The following PBRM1 variants were observed in gnomAD, a reference collection of about 807,000 sequenced individuals.
PBRM1 encodes the protein protein polybromo-1.
A neutral mutation model predicts 194.5 loss-of-function variants in PBRM1; 27 were observed. The observed-to-expected ratio is 0.14, with a 90% CI of 0.10 to 0.19. The LOEUF (loss-of-function observed/expected upper bound fraction) is 0.19. Ranked by LOEUF, PBRM1 falls within the 10% of genes least tolerant of loss-of-function variation. PBRM1 has a pLI of 1.00. For synonymous variants in PBRM1, 655 were observed against 693.2 expected, an observed-to-expected ratio of 0.94 and a Z score of 0.87; for missense variants, 1,466 against 2,077.2, an observed-to-expected ratio of 0.71 and a Z score of 5.72.
chr3:52,636,757 CAAA>C (rs567776784), intron 10 of PBRM1, among the ~76,000 whole-genome samples: 50 of 18,662 alleles, frequency 2.7e-3, no homozygotes, highest in East Asian at 5.2e-3. Context: ...ACTCTGTCTC[CAAA>C]AAAAAAAAAA....
chr3:52,639,258 GAGCCACCA>G (rs1209855441), intron 10 of PBRM1, among the ~76,000 whole-genome samples: 3 of 152,132 alleles, frequency 2.0e-5, no homozygotes, highest in Non-Finnish European at 4.4e-5. Context: ...TTACAGGCGT[GAGCCACCA>G]AGCCTGGCCT....
At chr3:52,641,509 T>C (rs1485660780) in intron 10 of PBRM1, among the ~76,000 whole-genome samples, 1 of 145,964 alleles carries the variant, frequency 6.9e-6, no homozygotes, top group Non-Finnish European at 1.5e-5. Context: ...AATAATTTAA[T>C]GAAACAAATT....
At chr3:52,604,357 A>G (rs1221494485) in intron 16 of PBRM1, among the ~76,000 whole-genome samples, 2 of 152,218 alleles carry the variant, frequency 1.3e-5, no homozygotes, top group African/African-American at 4.8e-5. Context: ...AGATGGAAAA[A>G]AGATTATGTA....
chr3:52,624,982 A>G, intron 13 of PBRM1, 41 bp from the exon 15 acceptor site: 1 of 1,416,490 alleles, frequency 7.1e-7, no homozygotes, highest in Non-Finnish European at 9.8e-7. Flanking sequence ...AAGAGAAACA[A>G]AACAAGCAAC....
chr3:52,555,039 A>G (rs2081939573), intron 26 of PBRM1, among the ~76,000 whole-genome samples, 160 bp from the exon 29 acceptor site: 1 of 152,374 alleles, frequency 6.6e-6, no homozygotes, highest in Non-Finnish European at 1.5e-5. Context: ...ATAATGAACA[A>G]AATAAAAAGT....
intron 3 of PBRM1, among the ~76,000 whole-genome samples, chr3:52,665,777 C>T (rs920663727): frequency 1.3e-5 from 2 of 152,090 alleles, no homozygotes; most frequent in South Asian, 2.1e-4. Flanking sequence ...AATTGTCTTC[C>T]GCAAAACTGG....
chr3:52,679,299 C>T (rs1365585335), intron 1 of PBRM1, among the ~76,000 whole-genome samples: 1 of 152,202 alleles, frequency 6.6e-6, no homozygotes, highest in Admixed American at 6.5e-5. Context: ...TTCCACATGG[C>T]TATATCCCAA....
chr3:52,673,533 A>G (rs527903738), intron 2 of PBRM1, among the ~76,000 whole-genome samples: 118 of 150,956 alleles, frequency 7.8e-4, no homozygotes, highest in African/African-American at 2.6e-3. Context: ...TTAGCCAGGC[A>G]TAGTGGTGTA....
At chr3:52,625,001 G>A in intron 13 of PBRM1, 60 bp from the exon 15 acceptor site, 2 of 1,135,692 alleles carry the variant, frequency 1.8e-6, no homozygotes, top group Non-Finnish European at 2.6e-6. Context: ...ACATTGGAGG[G>A]TCATGTACAA....
At chr3:52,640,944 T>C (rs535608281) in intron 10 of PBRM1, among the ~76,000 whole-genome samples, 2 of 152,302 alleles carry the variant, frequency 1.3e-5, no homozygotes, top group African/African-American at 2.4e-5. Flanking sequence ...CGGCCGTGTG[T>C]CACTTTTATA....
intron 22 of PBRM1, among the ~76,000 whole-genome samples, chr3:52,575,761 G>A (rs190705791): frequency 1.2e-4 from 18 of 145,942 alleles, no homozygotes; most frequent in Non-Finnish European, 2.2e-4. Context: ...TGATCCACCC[G>A]CCTCGGCCTC....
rs2092535823 is a variant in PBRM1, at chr3:52,587,334, G to C, written c.3123+19C>G. The C allele has an allele frequency of 6.4e-7, 1 of 1,557,408 alleles. No individual in the cohort carries two copies. ...TCCTAGGGAATGAGTGAGACTTTGG[G>C]ATTTAATGAGTTTCTTACCTTGACA... On this transcript the variant is annotated intron_variant, in intron 19 of 29. Coordinates refer to ENST00000296302, the Ensembl canonical transcript of PBRM1.
intron 26 of PBRM1, among the ~76,000 whole-genome samples, chr3:52,556,669 G>A (rs893961754): frequency 6.6e-6 from 1 of 152,230 alleles, no homozygotes; most frequent in Non-Finnish European, 1.5e-5. Context: ...TCTCAAGACA[G>A]CAACAAGGCT....
chr3:52,564,076 C>T lies in PBRM1; in HGVS notation c.3849G>A (p.Val1283=), dbSNP rs578187744. 9 of 1,608,096 alleles carry T rather than the reference C, an allele frequency of 5.6e-6. 1 individual carries two copies. In the South Asian group the frequency reaches 1.0e-4, roughly 18 times the overall value. ...TGAAGTAGTAAATTTCATCATCTAC[C>T]ACTTTAGCAGAGAGTGAAAACCTCT... is the stretch of plus-strand genomic sequence containing the variant. Residue 1283 remains valine (V), a synonymous_variant, in exon 23 of 30, where the codon GTG becomes GTA. Transcript: ENST00000296302.
At chr3:52,587,320 G>A in intron 19 of PBRM1, 33 bp downstream of exon 21, 4 of 1,472,880 alleles carry the variant, frequency 2.7e-6, no homozygotes, top group East Asian at 2.3e-5. Context: ...CCTAGGGAAT[G>A]AGTGAGACTT....
chr3:52,607,266 G>GT (rs1560304238), intron 16 of PBRM1, among the ~76,000 whole-genome samples: 1 of 152,016 alleles, frequency 6.6e-6, no homozygotes, highest in Non-Finnish European at 1.5e-5. Context: ...ATGGCTCCCC[G>GT]TATGTTTTTC....
intron 22 of PBRM1, among the ~76,000 whole-genome samples, chr3:52,568,138 C>A (rs2085932270): frequency 6.6e-6 from 1 of 151,684 alleles, no homozygotes; most frequent in South Asian, 2.1e-4. Flanking sequence ...ACCATCATGT[C>A]CAGCTAATTT....
intron 17 of PBRM1, among the ~76,000 whole-genome samples, chr3:52,601,691 T>C (rs1240869653): frequency 6.6e-6 from 1 of 152,252 alleles, no homozygotes; most frequent in African/African-American, 2.4e-5. Context: ...TGGTGTATAC[T>C]GGCACTGGTG....
downstream of PBRM1, chr3:52,547,080 G>C (rs190361309): frequency 8.6e-6 from 2 of 233,140 alleles, no homozygotes; most frequent in Admixed American, 5.6e-5. Flanking sequence ...GTTAGGTTAG[G>C]TGTTATGTTT....
Sources: allele counts gnomAD v4.1 joint callset (sites outside exome capture counted in the v4.1 genomes callset), GRCh38; gene constraint gnomAD v4.1.1; transcripts MANE v1.5; gene names NCBI Gene and HGNC (gene_info 2026-07-23, HGNC 2026-07-21).